ANKRD27: variants seen among roughly 807,000 people sequenced by gnomAD.
ANKRD27 encodes the protein ankyrin repeat domain-containing protein 27.
Under a neutral mutation model 129.7 loss-of-function variants are expected in ANKRD27, and 112 were observed. The ratio of observed to expected loss-of-function variants is 0.86; its 90% CI spans 0.74 to 1.01. The LOEUF (loss-of-function observed/expected upper bound fraction) is 1.01. Ranked by LOEUF, ANKRD27 falls within the 50% of genes least tolerant of loss-of-function variation. The pLI, the probability that ANKRD27 is intolerant of heterozygous loss-of-function variation, is 0.00. For synonymous variants in ANKRD27, 516 were observed against 511.2 expected, an observed-to-expected ratio of 1.01 and a Z score of -0.13; for missense variants, 1,258 against 1,300.5, an observed-to-expected ratio of 0.97 and a Z score of 0.50.
At chr19:32,601,633 A>AAG (rs1971655949) in intron 26 of ANKRD27, among the ~76,000 whole-genome samples, 1 of 150,510 alleles carries the variant, frequency 6.6e-6, no homozygotes, top group African/African-American at 2.4e-5. Context: ...AAAAAAAAAA[A>AAG]TCTTGAAAGG....
chr19:32,597,989 C>T lies in ANKRD27; in HGVS notation c.*156G>A, dbSNP rs977931485. On this transcript the variant is annotated 3_prime_UTR_variant, in exon 29 of 29. Transcript: ENST00000306065. ...TGGTGGTTAACTTTTTTGTTGCATT[C>T]TTTCCTGCCACAGAAAAGCTTTCAG... is the stretch of plus-strand genomic sequence containing the variant. The T allele has an allele frequency of 1.2e-5, 8 of 655,994 alleles. No homozygotes were observed. In the African/African-American group the frequency reaches 1.3e-4, roughly 10 times the overall value. The allele number at this position is 655,994 out of a possible 1,614,324, so 40.6% of individuals were successfully genotyped here. A position where few individuals can be genotyped will look rare whatever the true frequency, so the allele number is the denominator to read the frequency against.
At chr19:32,608,988 C>A (rs1971793512) in intron 22 of ANKRD27, among the ~76,000 whole-genome samples, 1 of 152,128 alleles carries the variant, frequency 6.6e-6, no homozygotes, top group Non-Finnish European at 1.5e-5. Context: ...CTGCCTCAGC[C>A]TCCCAAGTAG....
At chr19:32,633,755 C>T (rs767703912) in intron 12 of ANKRD27, among the ~76,000 whole-genome samples, 3 of 151,972 alleles carry the variant, frequency 2.0e-5, no homozygotes, top group Non-Finnish European at 4.4e-5. Flanking sequence ...GGTGTGGTGG[C>T]TCATGCCTGT....
intron 1 of ANKRD27, among the ~76,000 whole-genome samples, chr19:32,664,668 C>A (rs942020598): frequency 1.5e-4 from 18 of 119,804 alleles, no homozygotes; most frequent in African/African-American, 4.9e-4. Context: ...ATAAAAAGTT[C>A]TTCATGATGG....
chr19:32,611,668 G>A (rs1441125122), intron 22 of ANKRD27, among the ~76,000 whole-genome samples: 2 of 152,042 alleles, frequency 1.3e-5, no homozygotes, highest in Non-Finnish European at 2.9e-5. Context: ...CGCAACCTCC[G>A]CCTCCTGGGT....
At chr19:32,621,875 C>G (rs1409316665) in intron 18 of ANKRD27, among the ~76,000 whole-genome samples, 1 of 152,194 alleles carries the variant, frequency 6.6e-6, no homozygotes, top group Non-Finnish European at 1.5e-5. Flanking sequence ...GTGCAGAGAA[C>G]TGGCCTCTGC....
At chr19:32,629,362 T>C (rs1966949239) in intron 13 of ANKRD27, among the ~76,000 whole-genome samples, 1 of 152,298 alleles carries the variant, frequency 6.6e-6, no homozygotes, top group African/African-American at 2.4e-5. Context: ...CGGCTCATTC[T>C]ACTACTCTAT....
At chr19:32,616,198 A>G (rs1971916046) in intron 21 of ANKRD27, among the ~76,000 whole-genome samples, 1 of 152,030 alleles carries the variant, frequency 6.6e-6, no homozygotes, top group Admixed American at 6.5e-5. Flanking sequence ...AACTCTCAAA[A>G]AAATAAACCC....
intron 1 of ANKRD27, among the ~76,000 whole-genome samples, chr19:32,664,010 C>T (rs1321794351): frequency 7.2e-6 from 1 of 139,718 alleles, no homozygotes; most frequent in Non-Finnish European, 1.5e-5. Context: ...GAGCCGAGAT[C>T]CCGCCACTGC....
chr19:32,619,095 C>A (rs1393998385), intron 20 of ANKRD27, among the ~76,000 whole-genome samples, 165 bp downstream of exon 20: 1 of 152,154 alleles, frequency 6.6e-6, no homozygotes, highest in African/African-American at 2.4e-5. Flanking sequence ...GCTGCTGGGC[C>A]CAGCTTGAAG....
At chr19:32,616,286 C>T (rs1298789083) in intron 21 of ANKRD27, among the ~76,000 whole-genome samples, 6 of 152,188 alleles carry the variant, frequency 3.9e-5, no homozygotes, top group African/African-American at 1.4e-4. Context: ...GGCATGGTGG[C>T]TCACGCCTGT....
At chr19:32,669,002 G>A (rs1967814957) in intron 1 of ANKRD27, among the ~76,000 whole-genome samples, 2 of 151,960 alleles carry the variant, frequency 1.3e-5, no homozygotes, top group Non-Finnish European at 2.9e-5. Flanking sequence ...AGTAGAGATG[G>A]TGTCTCGCTA....
chr19:32,643,663 C>T (rs1321032359), intron 5 of ANKRD27, 32 bp from the exon 6 acceptor site: 1 of 1,612,300 alleles, frequency 6.2e-7, no homozygotes, highest in Admixed American at 1.7e-5. Context: ...GACAGGCCAC[C>T]CTTACCAGCA....
intron 1 of ANKRD27, among the ~76,000 whole-genome samples, chr19:32,664,919 CAAA>C (rs35300883): frequency 0.058 from 5,532 of 96,028 alleles, 276 homozygotes; most frequent in African/African-American, 0.18. Context: ...GACTCTGTCT[CAAA>C]AAAAAAAAAA....
At chr19:32,671,628 G>A (rs1428043921) in intron 1 of ANKRD27, among the ~76,000 whole-genome samples, 1 of 152,096 alleles carries the variant, frequency 6.6e-6, no homozygotes, top group Non-Finnish European at 1.5e-5. Flanking sequence ...CTGGGAGGTG[G>A]AGGTTGCAGT....
intron 1 of ANKRD27, among the ~76,000 whole-genome samples, chr19:32,671,288 CA>C (rs71336943): frequency 6.1e-5 from 9 of 147,640 alleles, no homozygotes; most frequent in Non-Finnish European, 7.5e-5. Flanking sequence ...ACCCTGTCTC[CA>C]AAAAAAAAAA....
At chr19:32,657,416 T>C (rs1967560434) in intron 2 of ANKRD27, among the ~76,000 whole-genome samples, 1 of 150,088 alleles carries the variant, frequency 6.7e-6, no homozygotes, top group Non-Finnish European at 1.5e-5. Flanking sequence ...GAGTCGAGAT[T>C]GCGCCACTGC....
At chr19:32,646,669 T>G in intron 3 of ANKRD27, 54 bp from the exon 4 acceptor site, 1 of 1,580,660 alleles carries the variant, frequency 6.3e-7, no homozygotes. Flanking sequence ...CACATCCCAC[T>G]CTCAGCCTGG....
At chr19:32,626,566 T>G in intron 16 of ANKRD27, 146 bp downstream of exon 16, 1 of 585,922 alleles carries the variant, frequency 1.7e-6, no homozygotes, top group Non-Finnish European at 2.9e-6. Context: ...CCCTGACTAC[T>G]GCTGCAGCAG....
Sources: allele counts gnomAD v4.1 joint callset (sites outside exome capture counted in the v4.1 genomes callset), GRCh38; gene constraint gnomAD v4.1.1; transcripts MANE v1.5; gene names NCBI Gene and HGNC (gene_info 2026-07-23, HGNC 2026-07-21).